The following VPS8 variants were observed in gnomAD, a reference collection of about 807,000 sequenced individuals.
The protein encoded by VPS8 is VPS8 subunit of CORVET complex.
Under a neutral mutation model 216.4 loss-of-function variants are expected in VPS8, and 129 were observed. The ratio of observed to expected loss-of-function variants is 0.60; its 90% CI spans 0.52 to 0.69. The LOEUF (loss-of-function observed/expected upper bound fraction) is 0.69, where lower values mean the gene tolerates loss of function less well. Among genes scored for constraint, VPS8 ranks in the 30% least tolerant of loss-of-function variants. VPS8 has a pLI of 0.00. For missense variants in VPS8, 1,531 were observed against 1,683.5 expected, an observed-to-expected ratio of 0.91 and a Z score of 1.59; for synonymous variants, 571 against 565.4, an observed-to-expected ratio of 1.01 and a Z score of -0.14.
chr3:184,823,825 A>G (rs1718139760), intron 1 of VPS8, among the ~76,000 whole-genome samples: 1 of 152,190 alleles, frequency 6.6e-6, no homozygotes, highest in Non-Finnish European at 1.5e-5. Context: ...GTGATTTTTG[A>G]TATAAGTGTG....
intron 21 of VPS8, among the ~76,000 whole-genome samples, chr3:184,871,873 T>G (rs562705150): frequency 6.6e-6 from 1 of 152,240 alleles, no homozygotes; most frequent in South Asian, 2.1e-4. Flanking sequence ...GATATGGCAG[T>G]TAAGAGTTGG....
chr3:184,950,559 G>A (rs1744518334), intron 36 of VPS8, among the ~76,000 whole-genome samples: 1 of 152,038 alleles, frequency 6.6e-6, no homozygotes, highest in African/African-American at 2.4e-5. Flanking sequence ...TTTGTCAAAT[G>A]TTAGGAAGTC....
chr3:184,969,940 C>T (rs1313605000), intron 39 of VPS8, among the ~76,000 whole-genome samples: 5 of 113,330 alleles, frequency 4.4e-5, no homozygotes, highest in African/African-American at 1.7e-4. Context: ...GACGGAGTCT[C>T]ACTCCGTTGC....
At chr3:184,928,110 C>G (rs187079220) in intron 31 of VPS8, among the ~76,000 whole-genome samples, 1 of 152,232 alleles carries the variant, frequency 6.6e-6, no homozygotes, top group Admixed American at 6.5e-5. Flanking sequence ...AACCGTAAGA[C>G]ATAAAAGTGA....
At chr3:184,833,191 C>T (rs1720367770) in intron 4 of VPS8, among the ~76,000 whole-genome samples, 2 of 152,086 alleles carry the variant, frequency 1.3e-5, no homozygotes, top group Admixed American at 6.5e-5. Flanking sequence ...CTAAGATCAG[C>T]CTTCCTTCAT....
At position 184,866,930 on chromosome 3, in the gene VPS8, A is replaced by T; in HGVS notation, c.1450A>T (p.Ile484Phe). Residue 484 changes from isoleucine (I) to phenylalanine (F), a missense_variant, in exon 17 of 48, where the codon ATC becomes TTC. This residue lies in a region of VPS8 where 1,318 missense variants were observed against 1,468.4 expected (regional missense o/e 0.90). Transcript: ENST00000625842. ...ATCCATCAGTAGCTATGGTGGTCAG[A>T]TCTTTTATTTGGGGACAAAAGTAAG... ...YQSISSYGGQ[I>F]FYLGTKSVYV... The T allele has an allele frequency of 6.2e-7, 1 of 1,613,262 alleles. No homozygotes were observed. Among genetic ancestry groups the T allele is most frequent in the Non-Finnish European group, 8.5e-7 (1 of 1,179,630 alleles).
intron 28 of VPS8, among the ~76,000 whole-genome samples, chr3:184,917,671 G>A (rs941321109): frequency 1.4e-4 from 22 of 152,222 alleles, no homozygotes; most frequent in Admixed American, 6.5e-5. Context: ...CTCCCAAAGT[G>A]CTGGGATTAG....
At chr3:184,817,396 T>C (rs981154966) in intron 1 of VPS8, 1 of 152,166 alleles carries the variant, frequency 6.6e-6, no homozygotes, top group Admixed American at 6.5e-5. Context: ...GCATTCCAAC[T>C]GGGGGCAAGG....
At chr3:184,882,128 G>A (rs1730378492) in intron 21 of VPS8, among the ~76,000 whole-genome samples, 1 of 151,810 alleles carries the variant, frequency 6.6e-6, no homozygotes, top group Non-Finnish European at 1.5e-5. Flanking sequence ...AGAGGTGAGA[G>A]CAGACATCCT....
At position 184,994,488 on chromosome 3, in the gene VPS8, GAA is replaced by G. The variant is rs11316264; in HGVS notation, c.3666+440_3666+441del. ...AGGTGACAGAGCAAGACCCTTCTCT[GAA>G]AAAAAAAAAAAAAATTCTCTTGACC... On this transcript the variant is annotated intron_variant, in intron 43 of 47. Transcript: ENST00000625842. 2.8e-3 allele frequency among the ~76,000 whole-genome samples: 395 copies of G among 142,848 alleles called. 1 individual carries two copies. Among genetic ancestry groups the G allele is most frequent in the Non-Finnish European group, 3.0e-3 (193 of 64,922 alleles). 93.7% of individuals were successfully genotyped at this position (142,848 alleles called of 152,430 possible). A position where few individuals can be genotyped will look rare whatever the true frequency, so the allele number is the denominator to read the frequency against.
intron 39 of VPS8, among the ~76,000 whole-genome samples, chr3:184,967,666 G>A (rs888410640): frequency 1.1e-4 from 17 of 151,846 alleles, no homozygotes; most frequent in Admixed American, 7.9e-4. Flanking sequence ...AGTGAACCCC[G>A]TCTCTACTAA....
Position 185,000,892 on chromosome 3 carries a change from A to G in VPS8, c.4002+1031A>G, listed in dbSNP as rs950564093. On this transcript the variant is annotated intron_variant, in intron 45 of 47. Transcript: ENST00000625842. ...AGTGCTGGGATTACAGGCGTGAGCC[A>G]CCGCACCCGGCCTCTCTTTTTGTTT... Among the ~76,000 whole-genome samples, 5 of 152,252 alleles carry G rather than the reference A, an allele frequency of 3.3e-5. No individual in the cohort carries two copies. The Middle Eastern group carries it at 0.014, about 414-fold the overall frequency.
intron 21 of VPS8, 76 bp downstream of exon 21, chr3:184,870,881 G>A (rs979470769): frequency 1.5e-5 from 20 of 1,293,058 alleles, no homozygotes; most frequent in Non-Finnish European, 1.9e-5. Flanking sequence ...ACTTGAGAAT[G>A]TGACTTTCAT....
chr3:184,957,323 T>C, intron 36 of VPS8, 51 bp from the exon 37 acceptor site: 1 of 1,542,226 alleles, frequency 6.5e-7, no homozygotes, highest in Non-Finnish European at 8.8e-7. Flanking sequence ...ATTATAGATG[T>C]GATTAAATAA....
intron 46 of VPS8, among the ~76,000 whole-genome samples, chr3:185,031,337 A>C (rs1257195064): frequency 6.6e-6 from 1 of 152,180 alleles, no homozygotes; most frequent in African/African-American, 2.4e-5. Context: ...GCGAGTTCTC[A>C]TAAACAACAA....
At chr3:184,828,521 A>G (rs539628940) in intron 3 of VPS8, among the ~76,000 whole-genome samples, 6 of 152,196 alleles carry the variant, frequency 3.9e-5, no homozygotes, top group African/African-American at 1.2e-4. Flanking sequence ...GTTACTAGGT[A>G]TTGCCATCCT....
rs889407594 is a variant in VPS8, at chr3:184,885,874, A to C, written c.1735-236A>C. 37 of 425,854 alleles carry C rather than the reference A, an allele frequency of 8.7e-5. No individual in the cohort carries two copies. The Admixed American group carries it at 1.0e-3, about 12-fold the overall frequency. The allele number at this position is 425,854 out of a possible 1,614,324, so 26.4% of individuals were successfully genotyped here. A position where few individuals can be genotyped will look rare whatever the true frequency, so the allele number is the denominator to read the frequency against. ...AAAGATGCAGTGAACACCTTAATGC[A>C]TTAAAATAATTTTTATTCTTAAACA... On this transcript the variant is annotated intron_variant, in intron 21 of 47. Transcript: ENST00000625842.
At chr3:184,860,875 G>A (rs535103664) in intron 15 of VPS8, among the ~76,000 whole-genome samples, 1 of 150,122 alleles carries the variant, frequency 6.7e-6, no homozygotes, top group African/African-American at 2.4e-5. Flanking sequence ...AGGCTGGAGT[G>A]CAGTGGTGCG....
At chr3:185,012,079 A>C (rs747198939) in intron 45 of VPS8, among the ~76,000 whole-genome samples, 8 of 151,946 alleles carry the variant, frequency 5.3e-5, no homozygotes, top group Non-Finnish European at 1.2e-4. Context: ...GTAAATTTGA[A>C]TATAGTTCAA....
Sources: allele counts gnomAD v4.1 joint callset (sites outside exome capture counted in the v4.1 genomes callset), GRCh38; gene constraint gnomAD v4.1.1; regional missense constraint gnomAD v4.1.1; transcripts MANE v1.5; gene names NCBI Gene and HGNC (gene_info 2026-07-23, HGNC 2026-07-21).